HIP1: variants seen among roughly 807,000 people sequenced by gnomAD.
HIP1 encodes the protein huntingtin-interacting protein 1.
HIP1 carries 65 observed loss-of-function variants against 147.6 expected under a neutral mutation model. The ratio of observed to expected loss-of-function variants is 0.44; its 90% CI spans 0.36 to 0.54. The LOEUF is 0.54. Among genes scored for constraint, HIP1 ranks in the 20% least tolerant of loss-of-function variants. HIP1 has a pLI of 0.00. For missense variants in HIP1, 1,061 were observed against 1,299.6 expected (o/e 0.82, Z 2.82); for synonymous variants, 479 against 504.0 (o/e 0.95, Z 0.67).
intron 4 of HIP1, among the ~76,000 whole-genome samples, chr7:75,589,683 CAAAAAAAAAAAAAAA>C (rs1159535613): frequency 1.9e-3 from 94 of 49,646 alleles, no homozygotes; most frequent in Admixed American, 5.8e-3. Context: ...ACTCTGTCTC[CAAAAAAAAAAAAAAA>C]AAAAAAAAAA....
rs587670852 is a variant in HIP1 at position 75,559,930 on chromosome 7, C to T, written c.1192-15G>A. The T allele has an allele frequency of 1.1e-5, 17 of 1,580,344 alleles. No homozygotes were observed. The highest frequency in any genetic ancestry group is 1.9e-4 in the Middle Eastern group (1 of 5,256). On this transcript the variant is annotated splice_polypyrimidine_tract_variant and intron_variant, in intron 13 of 30. Coordinates refer to ENST00000336926, the MANE Select transcript of HIP1 (RefSeq NM_005338.7). Reference sequence around the variant, plus strand: ...ACCCGCTGGCTCTGTGGGGGGACTCCGGTCATGAGGCCAACCGCCCACTGC... The same window carrying T: ...ACCCGCTGGCTCTGTGGGGGGACTCTGGTCATGAGGCCAACCGCCCACTGC...
chr7:75,536,980 G>A lies in HIP1; in HGVS notation c.*1192C>T. 4.3e-6 allele frequency: 1 copy of A among 232,108 alleles called. No individual in the cohort carries two copies. The allele number at this position is 232,108 out of a possible 1,614,324, so 14.4% of individuals were successfully genotyped here. A position where few individuals can be genotyped will look rare whatever the true frequency, so the allele number is the denominator to read the frequency against. On this transcript the variant is annotated 3_prime_UTR_variant, in exon 31 of 31. Coordinates refer to ENST00000336926, the MANE Select transcript of HIP1 (RefSeq NM_005338.7). ...ATCTTCCGGGTTTGTCAATTGCGTA[G>A]AAGGTGGAACGATCTTCCTATTCAA...
Position 75,629,807 on chromosome 7 carries a change from G to A in HIP1, c.121-30560C>T, listed in dbSNP as rs181230026. 1.6e-4 allele frequency among the ~76,000 whole-genome samples: 24 copies of A among 152,218 alleles called. No individual in the cohort carries two copies. In the East Asian group the frequency reaches 4.4e-3, roughly 28 times the overall value. On this transcript the variant is annotated intron_variant, in intron 1 of 30. Transcript: ENST00000336926. ...TCCTCCCGCCTCGGCCTCCCAAATT[G>A]CTGGAATTATAGGTGTGAGCCACTG...
At chr7:75,595,236 C>CTTTCTTTCTTTCTTTCTTTCTT (rs1796667169) in intron 2 of HIP1, among the ~76,000 whole-genome samples, 1 of 114,618 alleles carries the variant, frequency 8.7e-6, no homozygotes, top group African/African-American at 4.1e-5. Flanking sequence ...TTCTTTCTTT[C>CTTTCTTTCTTTCTTTCTTTCTT]TTTCTTTCTT....
intron 29 of HIP1, among the ~76,000 whole-genome samples, chr7:75,541,105 T>C (rs1215497087): frequency 6.7e-6 from 1 of 150,230 alleles, no homozygotes; most frequent in African/African-American, 2.4e-5. Context: ...CTCTATCTTA[T>C]TTAAAAAAAA....
intron 1 of HIP1, among the ~76,000 whole-genome samples, chr7:75,692,779 C>T (rs782094312): frequency 1.3e-5 from 2 of 151,754 alleles, no homozygotes; most frequent in Non-Finnish European, 2.9e-5. Context: ...ATGACAGATA[C>T]GACATAATTC....
At chr7:75,659,388 G>C (rs140690676) in intron 1 of HIP1, among the ~76,000 whole-genome samples, 309 of 152,318 alleles carry the variant, frequency 2.0e-3, no homozygotes, top group African/African-American at 6.5e-3. Flanking sequence ...GCCGGCCATG[G>C]TGGCTTACAC....
In HIP1 at chr7:75,562,956, C is replaced by T; in HGVS notation, c.999G>A (p.Met333Ile). ...TCACCTGCTGAGAGGCATCCATGTCCATGAGGTCATCCTTCTCTAGGACTG... is the reference window on the plus strand; with the variant it reads ...TCACCTGCTGAGAGGCATCCATGTCTATGAGGTCATCCTTCTCTAGGACTG... ...SEPVLEKDDLMDMDASQQNLF... is the reference protein window; with the variant it reads ...SEPVLEKDDLIDMDASQQNLF... The change falls in exon 11 of 31, where the codon ATG (methionine) becomes ATA (isoleucine). Residue 333 changes from methionine to isoleucine, a missense_variant. Physicochemically the swap from Met to Ile is conservative, Grantham distance 10. This residue lies in a region of HIP1 where 810 missense variants were observed against 946.8 expected (regional missense o/e 0.86). Coordinates refer to ENST00000336926, the MANE Select transcript of HIP1 (RefSeq NM_005338.7). 1 of 1,614,190 alleles carries T rather than the reference C, an allele frequency of 6.2e-7. No individual in the cohort carries two copies.
rs587604141 is a variant in HIP1, at chr7:75,549,838, T to C, written c.2296-837A>G. Among the ~76,000 whole-genome samples the C allele has an allele frequency of 1.2e-3, 99 of 82,272 alleles. 1 individual carries two copies. Among genetic ancestry groups the C allele is most frequent in the African/African-American group, 4.7e-3 (90 of 19,226 alleles). The allele number at this position is 82,272 out of a possible 152,430, so 54.0% of individuals were successfully genotyped here. ...AGGTGCACCACCAAGCCCGGATAATTGTTTTTTTTTTTTTTTTAATAGAGA... is the reference window on the plus strand; with the variant it reads ...AGGTGCACCACCAAGCCCGGATAATCGTTTTTTTTTTTTTTTTAATAGAGA... On this transcript the variant is annotated intron_variant, in intron 22 of 30. Transcript: ENST00000336926.
intron 7 of HIP1, among the ~76,000 whole-genome samples, chr7:75,578,814 A>G (rs1288172572): frequency 6.6e-6 from 1 of 151,922 alleles, no homozygotes; most frequent in African/African-American, 2.4e-5. Context: ...TTATGCAAAC[A>G]TTTCCAAAGC....
At chr7:75,581,964 C>T (rs755109986) in intron 6 of HIP1, 111 bp downstream of exon 6, 1 of 837,848 alleles carries the variant, frequency 1.2e-6, no homozygotes, top group South Asian at 1.6e-5. Context: ...GGGCTTTGGT[C>T]CCCATCCCAG....
intron 7 of HIP1, among the ~76,000 whole-genome samples, chr7:75,574,525 G>A (rs1031567646): frequency 6.7e-6 from 1 of 150,286 alleles, no homozygotes; most frequent in Non-Finnish European, 1.5e-5. Context: ...GGAGGCAGAG[G>A]TTGCAGTGAG....
chr7:75,580,115 C>A (rs1251423865), intron 7 of HIP1, among the ~76,000 whole-genome samples: 1 of 152,176 alleles, frequency 6.6e-6, no homozygotes, highest in African/African-American at 2.4e-5. Flanking sequence ...GCTAGTGGAA[C>A]AGGACTGTGT....
intron 1 of HIP1, among the ~76,000 whole-genome samples, chr7:75,668,983 C>T (rs1322733006): frequency 1.3e-5 from 2 of 151,958 alleles, no homozygotes; most frequent in African/African-American, 2.4e-5. Context: ...TTTGGGAGGC[C>T]GAGGCGGGCA....
In HIP1 at chr7:75,552,653, G is replaced by A. The variant is rs587682762; in HGVS notation, c.2295+800C>T. Among the ~76,000 whole-genome samples, 122 of 151,994 alleles carry A rather than the reference G, an allele frequency of 8.0e-4. 1 individual carries two copies. Among genetic ancestry groups the A allele is most frequent in the African/African-American group, 2.6e-3 (106 of 41,474 alleles). Reference sequence around the variant, plus strand: ...ATTACAGGTGTGAGCCACCATGCTCGGCACTACATCTTTAGTAAATGAATG... The same window carrying A: ...ATTACAGGTGTGAGCCACCATGCTCAGCACTACATCTTTAGTAAATGAATG... On this transcript the variant is annotated intron_variant, in intron 22 of 30. Transcript: ENST00000336926.
intron 1 of HIP1, among the ~76,000 whole-genome samples, chr7:75,621,173 C>G (rs1442934425): frequency 2.6e-5 from 4 of 152,142 alleles, no homozygotes; most frequent in Non-Finnish European, 5.9e-5. Flanking sequence ...GGCCACTGCA[C>G]TCTAGCCTGG....
At chr7:75,709,458 C>T (rs1430661900) in intron 1 of HIP1, among the ~76,000 whole-genome samples, 1 of 152,136 alleles carries the variant, frequency 6.6e-6, no homozygotes, top group Non-Finnish European at 1.5e-5. Context: ...AAATTGTTTT[C>T]TTAATTTCCT....
intron 1 of HIP1, among the ~76,000 whole-genome samples, chr7:75,676,881 G>A (rs893064060): frequency 3.3e-5 from 5 of 151,884 alleles, no homozygotes; most frequent in Non-Finnish European, 7.4e-5. Flanking sequence ...CATGACCTTA[G>A]GCAGCTCTGA....
intron 1 of HIP1, chr7:75,611,960 T>C: frequency 1.3e-6 from 1 of 794,778 alleles, no homozygotes. Flanking sequence ...TGGGAAACCC[T>C]CTGGCCTTGC....
Sources: gnomAD v4.1 joint callset for allele counts (sites outside exome capture counted in the v4.1 genomes callset) on GRCh38, gnomAD v4.1.1 for gene constraint, gnomAD v4.1.1 regional missense constraint, MANE v1.5 for transcripts, NCBI Gene and HGNC (gene_info 2026-07-23, HGNC 2026-07-21) for gene names.